Variants in TBC1D19 observed in about 807,000 individuals in gnomAD.
TBC1D19 encodes the protein TBC1 domain family member 19, also known as TBC1 domain family, member 19.
TBC1D19 carries 60 observed loss-of-function variants against 89.0 expected under a neutral mutation model. That is an observed-to-expected ratio of 0.67 (90% confidence interval 0.55 to 0.84). The LOEUF (loss-of-function observed/expected upper bound fraction) is 0.84, where lower values mean the gene tolerates loss of function less well. Among genes scored for constraint, TBC1D19 ranks in the 40% least tolerant of loss-of-function variants. The pLI is 0.00. For missense variants in TBC1D19, 500 were observed against 610.8 expected, an observed-to-expected ratio of 0.82 and a Z score of 1.91; for synonymous variants, 189 against 199.7, an observed-to-expected ratio of 0.95 and a Z score of 0.45.
At chr4:26,739,812 T>C in intron 16 of TBC1D19, 52 bp from the exon 17 acceptor site, 1 of 1,016,380 alleles carries the variant, frequency 9.8e-7, no homozygotes, top group East Asian at 2.7e-5. Flanking sequence ...TATAAATTTA[T>C]CTTAACATTT....
chr4:26,683,642 C>A, intron 11 of TBC1D19, 33 bp from the exon 12 acceptor site: 5 of 1,541,358 alleles, frequency 3.2e-6, no homozygotes, highest in Non-Finnish European at 4.4e-6. Context: ...ATGTGATTGA[C>A]CTTTAATTTT....
intron 19 of TBC1D19, among the ~76,000 whole-genome samples, chr4:26,749,351 A>G (rs988902330): frequency 7.9e-5 from 12 of 152,144 alleles, no homozygotes; most frequent in Non-Finnish European, 1.2e-4. Flanking sequence ...TGATAGCATT[A>G]TAAAATCACC....
chr4:26,583,167 G>A (rs576644294), upstream of TBC1D19, among the ~76,000 whole-genome samples: 4 of 152,186 alleles, frequency 2.6e-5, no homozygotes, highest in African/African-American at 9.6e-5. Context: ...TTATTTTTGT[G>A]AGGTTATTCT....
the TBC1D19 span, among the ~76,000 whole-genome samples, chr4:26,839,346 A>G: frequency 6.6e-6 from 1 of 152,224 alleles, no homozygotes; most frequent in South Asian, 2.1e-4. Flanking sequence ...ATAAATACTT[A>G]TGATTGAGAT....
intron 19 of TBC1D19, among the ~76,000 whole-genome samples, chr4:26,750,761 C>G (rs1216846293): frequency 2.6e-5 from 4 of 152,134 alleles, no homozygotes; most frequent in Non-Finnish European, 5.9e-5. Flanking sequence ...AAGGAAGCTC[C>G]CCTACCATGG....
intron 11 of TBC1D19, among the ~76,000 whole-genome samples, chr4:26,681,904 T>C (rs752938997): frequency 1.3e-5 from 2 of 152,166 alleles, no homozygotes; most frequent in Non-Finnish European, 2.9e-5. Flanking sequence ...TATGATTACA[T>C]AGTCATATAA....
intron 15 of TBC1D19, among the ~76,000 whole-genome samples, chr4:26,729,078 A>G (rs1717500345): frequency 1.3e-5 from 2 of 152,242 alleles, no homozygotes; most frequent in South Asian, 4.1e-4. Flanking sequence ...GTTTTCTTCA[A>G]GTCTCACAAT....
the TBC1D19 span, among the ~76,000 whole-genome samples, chr4:26,814,457 A>G: frequency 6.6e-6 from 1 of 152,192 alleles, no homozygotes; most frequent in Non-Finnish European, 1.5e-5. Context: ...GGTAAGTATA[A>G]CAATGCCCTA....
chr4:26,609,193 A>G (rs963983295), intron 1 of TBC1D19, among the ~76,000 whole-genome samples: 1 of 151,886 alleles, frequency 6.6e-6, no homozygotes, highest in Non-Finnish European at 1.5e-5. Context: ...ATGTACCCTA[A>G]AACTTAAAGT....
chr4:26,735,043 TAC>T (rs1312125897), intron 15 of TBC1D19, among the ~76,000 whole-genome samples: 2 of 151,338 alleles, frequency 1.3e-5, no homozygotes, highest in African/African-American at 4.9e-5. Context: ...TGTATATGTG[TAC>T]ACACATGTAT....
rs114246322 is a variant in TBC1D19 at position 26,596,206 on chromosome 4, C to T, written c.99+11914C>T. ...TCCTGGCCTCATATGATCCATCTGC[C>T]TCGGCCTCCCATAGTGCTGGGAGTA... On this transcript the variant is annotated intron_variant, in intron 1 of 20. Transcript: ENST00000264866. Among the ~76,000 whole-genome samples the T allele has an allele frequency of 6.5e-3, 985 of 152,270 alleles. 5 individuals carry two copies. Among genetic ancestry groups the T allele is most frequent in the Non-Finnish European group, 9.8e-3 (666 of 68,014 alleles).
chr4:26,672,051 A>G, intron 9 of TBC1D19, 98 bp from the exon 10 acceptor site: 1 of 584,708 alleles, frequency 1.7e-6, no homozygotes. Flanking sequence ...TTTAAAAATC[A>G]TTAAATGTAT....
chr4:26,661,469 C>T (rs898465394), intron 8 of TBC1D19, among the ~76,000 whole-genome samples: 1 of 152,110 alleles, frequency 6.6e-6, no homozygotes, highest in South Asian at 2.1e-4. Flanking sequence ...ATGCCTGACC[C>T]TTGCCGACAG....
intron 7 of TBC1D19, among the ~76,000 whole-genome samples, chr4:26,642,204 A>G (rs1743592945): frequency 6.6e-6 from 1 of 152,226 alleles, no homozygotes; most frequent in South Asian, 2.1e-4. Flanking sequence ...CCACAAAGGG[A>G]AGCCCATCAG....
intron 3 of TBC1D19, among the ~76,000 whole-genome samples, chr4:26,619,036 G>A (rs1741869748): frequency 6.6e-6 from 1 of 152,024 alleles, no homozygotes; most frequent in Admixed American, 6.6e-5. Context: ...ATATTGAGTA[G>A]GTTGTCATTA....
chr4:26,674,503 G>T (rs1449933656), intron 11 of TBC1D19, among the ~76,000 whole-genome samples: 1 of 151,942 alleles, frequency 6.6e-6, no homozygotes, highest in African/African-American at 2.4e-5. Flanking sequence ...ATTAATCATA[G>T]AAGTTATCCA....
At chr4:26,590,855 T>A (rs1739748304) in intron 1 of TBC1D19, among the ~76,000 whole-genome samples, 1 of 142,232 alleles carries the variant, frequency 7.0e-6, no homozygotes, top group Non-Finnish European at 1.5e-5. Flanking sequence ...TATGTTTGTC[T>A]CGCTAGGCTG....
chr4:26,778,333 G>A, the TBC1D19 span, among the ~76,000 whole-genome samples: 6 of 151,680 alleles, frequency 4.0e-5, no homozygotes, highest in East Asian at 5.8e-4. Context: ...GGAGAATGGC[G>A]TGAATCTGGG....
chr4:26,659,010 T>C (rs1201536727), intron 7 of TBC1D19, among the ~76,000 whole-genome samples: 1 of 152,194 alleles, frequency 6.6e-6, no homozygotes, highest in Non-Finnish European at 1.5e-5. Flanking sequence ...TTTCTAAATA[T>C]ACAATCATGT....
Sources: gnomAD v4.1 joint callset for allele counts (sites outside exome capture counted in the v4.1 genomes callset) on GRCh38, gnomAD v4.1.1 for gene constraint, MANE v1.5 for transcripts, NCBI Gene and HGNC (gene_info 2026-07-23, HGNC 2026-07-21) for gene names.